The following TKTL1 variants were observed in gnomAD, a reference collection of about 807,000 sequenced individuals.
The protein encoded by TKTL1 is transketolase-like protein 1.
In TKTL1, 1 loss-of-function variant was observed where a neutral mutation model predicts 39.3. The ratio of observed to expected loss-of-function variants is 0.03; its 90% CI spans 0.01 to 0.12. TKTL1 has a LOEUF of 0.12. Ranked by LOEUF, TKTL1 falls within the 10% of genes least tolerant of loss-of-function variation. TKTL1 has a pLI of 1.00. For missense variants in TKTL1, 575 were observed against 509.6 expected (o/e 1.13, Z -1.24); for synonymous variants, 262 against 193.8 (o/e 1.35, Z -2.92).
chrX:154,307,009 G>A (rs1309213898), intron 2 of TKTL1, among the ~76,000 whole-genome samples: 1 of 107,958 alleles, frequency 9.3e-6, no homozygotes, highest in Non-Finnish European at 1.9e-5. Flanking sequence ...TTTAAAATAA[G>A]GAAAGGCTGG....
chrX:154,308,903 T>C (rs1219820911), intron 2 of TKTL1, among the ~76,000 whole-genome samples: 1 of 111,176 alleles, frequency 9.0e-6, no homozygotes, highest in Non-Finnish European at 1.9e-5. Context: ...TAAGAATCCA[T>C]ATCCTCCATA....
At chrX:154,297,294 C>T (rs1557164847) in intron 1 of TKTL1, among the ~76,000 whole-genome samples, 1 of 109,230 alleles carries the variant, frequency 9.2e-6, no homozygotes, top group African/African-American at 3.3e-5. Context: ...GTATCACTGT[C>T]GCCCAGGCTG....
chrX:154,306,678 C>T (rs1475547606), intron 2 of TKTL1, among the ~76,000 whole-genome samples: 1 of 109,715 alleles, frequency 9.1e-6, no homozygotes. Context: ...TCGCTCTTGC[C>T]CAGGCTTGAG....
At chrX:154,304,367 C>A (rs1422567725) in intron 1 of TKTL1, among the ~76,000 whole-genome samples, 2 of 111,255 alleles carry the variant, frequency 1.8e-5, no homozygotes, top group African/African-American at 6.5e-5. Context: ...CCATCAGCAC[C>A]CCAAAACCAT....
chrX:154,311,553 G>A (rs2067357819), intron 5 of TKTL1, among the ~76,000 whole-genome samples: 1 of 111,215 alleles, frequency 9.0e-6, no homozygotes, highest in African/African-American at 3.3e-5. Context: ...CGTGCTGTGT[G>A]TATGAGCAGG....
chrX:154,306,974 G>A (rs781858733), intron 2 of TKTL1, among the ~76,000 whole-genome samples: 5 of 110,641 alleles, frequency 4.5e-5, no homozygotes, highest in Non-Finnish European at 9.5e-5. Context: ...ATATATAAAC[G>A]CAATATGGGT....
At chrX:154,305,086 G>A (rs191961257) in intron 1 of TKTL1, 99 of 1,139,901 alleles carry the variant, frequency 8.7e-5, no homozygotes, top group South Asian at 4.0e-4. Flanking sequence ...GGTGCTCTGC[G>A]GTTAGGAGCT....
intron 1 of TKTL1, among the ~76,000 whole-genome samples, chrX:154,298,302 T>C (rs1557165101): frequency 9.0e-6 from 1 of 111,095 alleles, no homozygotes; most frequent in Non-Finnish European, 1.9e-5. Context: ...AGCCTCGAAC[T>C]CTCGTGGGCT....
At chrX:154,305,190 G>C in intron 1 of TKTL1, 114 bp from the exon 2 acceptor site, 1 of 1,176,828 alleles carries the variant, frequency 8.5e-7, no homozygotes, top group African/African-American at 1.8e-5. Context: ...CCCTTGGTTG[G>C]ATTCTTCCCG....
At chrX:154,321,214 T>G (rs975979770) in intron 8 of TKTL1, among the ~76,000 whole-genome samples, 7 of 109,598 alleles carry the variant, frequency 6.4e-5, no homozygotes, top group Non-Finnish European at 1.3e-4. Context: ...TGGAGCCTTT[T>G]CTGCCCTCGC....
chrX:154,329,571 T>G lies in TKTL1; in HGVS notation c.1674T>G (p.Val558=). ...AAVSMDPDIQ[V]HSLAVSGVPQ... Reference sequence around the variant, plus strand: ...TCTCCATGGATCCTGACATTCAGGTTCATTCGCTGGCAGTGTCGGGAGTGC... The same window carrying G: ...TCTCCATGGATCCTGACATTCAGGTGCATTCGCTGGCAGTGTCGGGAGTGC... The change falls in exon 13 of 13, where the codon GTT becomes GTG. Residue 558 remains valine (V), a synonymous_variant. Transcript: ENST00000369915. 8.3e-7 allele frequency: 1 copy of G among 1,211,954 alleles called. No individual in the cohort carries two copies. The highest frequency in any genetic ancestry group is 1.8e-5 in the South Asian group (1 of 57,024).
chrX:154,303,467 G>C (rs1231848903), intron 1 of TKTL1, among the ~76,000 whole-genome samples: 1 of 86,917 alleles, frequency 1.2e-5, no homozygotes, highest in African/African-American at 4.5e-5. Flanking sequence ...CTGGGCTCAA[G>C]CAATCCTCCT....
chrX:154,300,268 C>T (rs955446612), intron 1 of TKTL1, among the ~76,000 whole-genome samples: 2 of 112,354 alleles, frequency 1.8e-5, no homozygotes, highest in African/African-American at 6.5e-5. Flanking sequence ...CTGCCTTGGC[C>T]TCCCAAAGTG....
At chrX:154,297,568 T>G (rs2067240612) in intron 1 of TKTL1, among the ~76,000 whole-genome samples, 9 of 111,597 alleles carry the variant, frequency 8.1e-5, no homozygotes. Context: ...GTCTATAGTT[T>G]TGTTGTAGTA....
In TKTL1 at chrX:154,312,807, A is replaced by T. The variant is rs376677875; in HGVS notation, c.864+34A>T. 5 of 1,133,007 alleles carry T rather than the reference A, an allele frequency of 4.4e-6. No individual in the cohort carries two copies. The African/African-American group carries it at 9.0e-5, about 20-fold the overall frequency. The allele number at this position is 1,133,007 out of a possible 1,213,427, so 93.4% of individuals were successfully genotyped here. ...AAAGGTGGATAATTGAATAAATCAG[A>T]TACGTCAACTGCTTTGTTCTCTAAT... On this transcript the variant is annotated intron_variant, in intron 6 of 12. Coordinates refer to ENST00000369915, the MANE Select transcript of TKTL1 (RefSeq NM_012253.4).
At position 154,320,826 on chromosome X, in the gene TKTL1, C is replaced by T. The variant is rs1557170496; in HGVS notation, c.1099C>T (p.Leu367=). 3 of 1,209,435 alleles carry T rather than the reference C, an allele frequency of 2.5e-6. No homozygotes were observed. The South Asian group carries it at 5.3e-5, about 21-fold the overall frequency. The change falls in exon 8 of 13, where the codon CTG becomes TTG. Residue 367 remains leucine, a synonymous_variant. Coordinates refer to ENST00000369915, the MANE Select transcript of TKTL1 (RefSeq NM_012253.4). ...IAFASTFAAF[L]TRAFDHIRIG... Reference sequence around the variant, plus strand: ...TTTTGCTAGCACCTTTGCTGCCTTTCTGACTCGAGCATTTGATCACATCCG... The same window carrying T: ...TTTTGCTAGCACCTTTGCTGCCTTTTTGACTCGAGCATTTGATCACATCCG...
At chrX:154,325,517 C>T in intron 10 of TKTL1, 95 bp downstream of exon 10, 1 of 777,051 alleles carries the variant, frequency 1.3e-6, no homozygotes, top group Non-Finnish European at 1.9e-6. Flanking sequence ...GTTGAGACAT[C>T]ATCCTTTCTT....
chrX:154,316,345 C>T (rs782401451), intron 7 of TKTL1, among the ~76,000 whole-genome samples: 2 of 111,460 alleles, frequency 1.8e-5, no homozygotes, highest in African/African-American at 3.3e-5. Context: ...GCTGGGATTA[C>T]AGACATGAGC....
At position 154,323,275 on chromosome X, in the gene TKTL1, A is replaced by G. The variant is rs1557171270; in HGVS notation, c.1255A>G (p.Ile419Val). ...AMFRTIPKCTIFYPTDAVSTE... is the reference protein window; with the variant it reads ...AMFRTIPKCTVFYPTDAVSTE... ...GTTCCGAACCATTCCCAAGTGCACG[A>G]TCTTCTACCCAACTGATGCCGTCTC... The change falls in exon 9 of 13, where the codon ATC (isoleucine) becomes GTC (valine). Residue 419 changes from isoleucine (I) to valine (V), a missense_variant. By Grantham distance (29) the Ile-to-Val change is conservative. Transcript: ENST00000369915. 1.7e-6 allele frequency: 2 copies of G among 1,211,509 alleles called. No homozygotes were observed. Among genetic ancestry groups the G allele is most frequent in the East Asian group, 3.0e-5 (1 of 33,833 alleles).
Sources: gnomAD v4.1 joint callset for allele counts (sites outside exome capture counted in the v4.1 genomes callset) on GRCh38, gnomAD v4.1.1 for gene constraint, MANE v1.5 for transcripts, NCBI Gene and HGNC (gene_info 2026-07-23, HGNC 2026-07-21) for gene names.